The following GRIN2B variants were observed in gnomAD, a reference collection of about 807,000 sequenced individuals.
GRIN2B encodes glutamate ionotropic receptor NMDA type subunit 2B.
GRIN2B carries 5 observed loss-of-function variants against 114.5 expected under a neutral mutation model. The ratio of observed to expected loss-of-function variants is 0.04; its 90% CI spans 0.02 to 0.09. GRIN2B has a LOEUF of 0.09. Among genes scored for constraint, GRIN2B ranks in the 10% least tolerant of loss-of-function variants. The probability of loss-of-function intolerance (pLI) is 1.00; values close to 1 mark genes in which losing one functional copy is unlikely to be tolerated. For synonymous variants in GRIN2B, 787 were observed against 745.1 expected (o/e 1.06, Z -0.92); for missense variants, 1,108 against 1,943.5 (o/e 0.57, Z 8.08).
intron 2 of GRIN2B, among the ~76,000 whole-genome samples, chr12:13,967,765 C>T (rs1867812409): frequency 6.6e-6 from 1 of 152,078 alleles, no homozygotes; most frequent in Non-Finnish European, 1.5e-5. Flanking sequence ...CCAGTGATTC[C>T]AGTCTGTGGG....
chr12:13,838,759 G>C (rs914991359), intron 3 of GRIN2B, among the ~76,000 whole-genome samples: 2 of 152,206 alleles, frequency 1.3e-5, no homozygotes, highest in Non-Finnish European at 2.9e-5. Flanking sequence ...AAGGGGAGTG[G>C]ATGGAGAAGC....
chr12:13,898,903 C>T (rs979117199), intron 2 of GRIN2B, among the ~76,000 whole-genome samples: 2 of 152,152 alleles, frequency 1.3e-5, no homozygotes, highest in Non-Finnish European at 2.9e-5. Context: ...AGCAAAACTC[C>T]GTCTCAAAAA....
At position 13,633,490 on chromosome 12, in the gene GRIN2B, G is replaced by A. The variant is rs528480296; in HGVS notation, c.1126-16833C>T. Among the ~76,000 whole-genome samples the A allele has an allele frequency of 2.0e-5, 3 of 152,310 alleles. No homozygotes were observed. The South Asian group carries it at 6.2e-4, about 32-fold the overall frequency. On this transcript the variant is annotated intron_variant, in intron 5 of 13. Coordinates refer to ENST00000609686, the MANE Select transcript of GRIN2B (RefSeq NM_000834.5). The stretch of plus-strand genomic sequence containing the variant: ...CCTGTGCCACTAAGGATAAAGGCTG[G>A]AAGTTTACTTTGGAGTAATCAAGGA...
chr12:13,737,285 C>A (rs1015428706), intron 4 of GRIN2B, among the ~76,000 whole-genome samples: 3 of 151,540 alleles, frequency 2.0e-5, no homozygotes, highest in African/African-American at 7.3e-5. Flanking sequence ...TATCTCGGCT[C>A]ACTGCAAGCT....
intron 5 of GRIN2B, among the ~76,000 whole-genome samples, chr12:13,639,132 A>C (rs1440948409): frequency 6.6e-6 from 1 of 152,094 alleles, no homozygotes; most frequent in Non-Finnish European, 1.5e-5. Context: ...GTGTCAAAAC[A>C]TCAAATCCAA....
At chr12:13,821,331 C>T (rs919666725) in intron 3 of GRIN2B, among the ~76,000 whole-genome samples, 1 of 152,188 alleles carries the variant, frequency 6.6e-6, no homozygotes, top group East Asian at 1.9e-4. Context: ...GGGCTCTGTT[C>T]ACACACACTT....
chr12:13,659,931 G>C (rs1358792546), intron 5 of GRIN2B, among the ~76,000 whole-genome samples: 1 of 152,176 alleles, frequency 6.6e-6, no homozygotes, highest in Admixed American at 6.5e-5. Context: ...CTGTCGGTCA[G>C]CTTCCAGACA....
intron 2 of GRIN2B, among the ~76,000 whole-genome samples, chr12:13,927,705 G>C (rs749625402): frequency 1.3e-5 from 2 of 151,868 alleles, no homozygotes; most frequent in Non-Finnish European, 2.9e-5. Context: ...TGTAATCCCA[G>C]CAATTTGGGA....
At chr12:13,584,080 C>A (rs1014716407) in intron 10 of GRIN2B, among the ~76,000 whole-genome samples, 8 of 152,114 alleles carry the variant, frequency 5.3e-5, no homozygotes, top group Non-Finnish European at 8.8e-5. Flanking sequence ...TTCAGAAGAA[C>A]GAAGGAGAGG....
At chr12:13,824,855 C>CAAA (rs34417194) in intron 3 of GRIN2B, among the ~76,000 whole-genome samples, 1,865 of 95,056 alleles carry the variant, frequency 0.02, 40 homozygotes, top group East Asian at 0.051. Flanking sequence ...GACTCCATTT[C>CAAA]AAAAAAAAAA....
chr12:13,579,043 C>T (rs552527893), intron 10 of GRIN2B, among the ~76,000 whole-genome samples: 37 of 152,152 alleles, frequency 2.4e-4, no homozygotes, highest in African/African-American at 8.9e-4. Context: ...GGGGCTGTCT[C>T]GATGGTGTCC....
intron 2 of GRIN2B, among the ~76,000 whole-genome samples, chr12:13,883,920 T>C (rs143407256): frequency 6.6e-6 from 1 of 152,326 alleles, no homozygotes; most frequent in Non-Finnish European, 1.5e-5. Flanking sequence ...TCAAGAGTTG[T>C]ATAATTATAG....
rs555961403 is a variant in GRIN2B at position 13,961,247 on chromosome 12, G to A, written c.-19+18681C>T. Reference sequence around the variant, plus strand: ...AAGCAACAAGGAATTCTAAGCCCAGGAGAAGGAAGCATTAGAGAATTCCAC... The same window carrying A: ...AAGCAACAAGGAATTCTAAGCCCAGAAGAAGGAAGCATTAGAGAATTCCAC... On this transcript the variant is annotated intron_variant, in intron 2 of 13. Coordinates refer to ENST00000609686, the MANE Select transcript of GRIN2B (RefSeq NM_000834.5). 2.2e-4 allele frequency among the ~76,000 whole-genome samples: 34 copies of A among 152,254 alleles called. 1 individual carries two copies. In the South Asian group the frequency reaches 7.0e-3, roughly 32 times the overall value.
chr12:13,797,272 C>T lies in GRIN2B; in HGVS notation c.412-43357G>A, dbSNP rs1025167596. On this transcript the variant is annotated intron_variant, in intron 3 of 13. Coordinates refer to ENST00000609686, the MANE Select transcript of GRIN2B (RefSeq NM_000834.5). ...TGGGTCTGTTTTATAAGGTCCCACT[C>T]ATGAAGACTCTGCCCCCATGACCTA... Among the ~76,000 whole-genome samples the T allele has an allele frequency of 2.6e-5, 4 of 152,164 alleles. No individual in the cohort carries two copies. The South Asian group carries it at 6.2e-4, about 24-fold the overall frequency.
chr12:13,938,137 G>T (rs1418609565), intron 2 of GRIN2B, among the ~76,000 whole-genome samples: 2 of 151,814 alleles, frequency 1.3e-5, no homozygotes, highest in Non-Finnish European at 2.9e-5. Flanking sequence ...CCCAAAGAAG[G>T]CGGGAAAGAA....
chr12:13,869,241 C>CTTTTTTTTTTTTTTTTTTTTTTTT (rs377460231), intron 2 of GRIN2B, among the ~76,000 whole-genome samples: 1 of 127,370 alleles, frequency 7.9e-6, no homozygotes, highest in Non-Finnish European at 1.6e-5. Flanking sequence ...CTTTTTTTTT[C>CTTTTTTTTTTTTTTTTTTTTTTTT]TTTTTTTTTT....
chr12:13,759,301 G>A (rs1331402270), intron 3 of GRIN2B, among the ~76,000 whole-genome samples: 2 of 151,920 alleles, frequency 1.3e-5, no homozygotes, highest in African/African-American at 2.4e-5. Flanking sequence ...GAGCCACCAC[G>A]CCCAGCTAGT....
chr12:13,848,102 C>T (rs527573517), intron 3 of GRIN2B, among the ~76,000 whole-genome samples: 2 of 152,242 alleles, frequency 1.3e-5, no homozygotes, highest in South Asian at 4.2e-4. Flanking sequence ...CAGAGCCACC[C>T]CTCATGCTAG....
chr12:13,654,572 C>A (rs1037524259), intron 5 of GRIN2B, among the ~76,000 whole-genome samples: 8 of 152,152 alleles, frequency 5.3e-5, no homozygotes, highest in African/African-American at 1.9e-4. Context: ...ACTGGCTCCC[C>A]CAAACTGCTG....
Sources: gnomAD v4.1 joint callset for allele counts (sites outside exome capture counted in the v4.1 genomes callset) on GRCh38, gnomAD v4.1.1 for gene constraint, MANE v1.5 for transcripts, NCBI Gene and HGNC (gene_info 2026-07-23, HGNC 2026-07-21) for gene names.